The following HRH2 variants were observed in gnomAD, a reference collection of about 807,000 sequenced individuals.
The protein encoded by HRH2 is histamine H2 receptor.
In HRH2, 4 loss-of-function variants were observed where a neutral mutation model predicts 20.1. That is an observed-to-expected ratio of 0.20 (90% CI 0.10 to 0.45). HRH2 has a LOEUF of 0.45. HRH2 is among the 20% of genes least tolerant of loss of function. HRH2 has a pLI of 0.99. For synonymous variants in HRH2, 197 were observed against 200.7 expected (o/e 0.98, Z 0.16); for missense variants, 250 against 461.6 (o/e 0.54, Z 4.20).
At chr5:175,684,783 C>A (rs189842883) in intron 2 of HRH2, among the ~76,000 whole-genome samples, 1 of 152,216 alleles carries the variant, frequency 6.6e-6, no homozygotes, top group East Asian at 1.9e-4. Context: ...TTATTGAGCA[C>A]CTGCTATGCA....
intron 1 of HRH2, among the ~76,000 whole-genome samples, chr5:175,671,205 G>C (rs911083962): frequency 2.0e-5 from 3 of 152,254 alleles, no homozygotes; most frequent in Non-Finnish European, 4.4e-5. Context: ...CCAGGAGCCA[G>C]GTGGATTGCC....
At chr5:175,680,537 G>A (rs1489356419) in intron 1 of HRH2, among the ~76,000 whole-genome samples, 1 of 152,210 alleles carries the variant, frequency 6.6e-6, no homozygotes, top group Non-Finnish European at 1.5e-5. Flanking sequence ...TTGGAAGTTT[G>A]AAAGGACAGT....
At chr5:175,702,320 T>G (rs1309224398) in intron 2 of HRH2, among the ~76,000 whole-genome samples, 4 of 151,756 alleles carry the variant, frequency 2.6e-5, no homozygotes, top group Non-Finnish European at 5.9e-5. Flanking sequence ...AAGAAATGAA[T>G]GAAAATAAAT....
Position 175,683,663 on chromosome 5 carries a change from G to T in HRH2, c.430G>T (p.Val144Phe), listed in dbSNP as rs763623416. 1.2e-6 allele frequency: 2 copies of T among 1,614,102 alleles called. No homozygotes were observed. The highest frequency in any genetic ancestry group is 2.2e-5 in the South Asian group (2 of 91,068). ...RVAISLVLIW[V>F]ISITLSFLSI... ...CGCCATCTCTCTGGTCTTAATTTGG[G>T]TCATCTCCATTACCCTGTCCTTTCT... Residue 144 changes from valine (V) to phenylalanine (F), a missense_variant, in exon 2 of 3, where the codon GTC (valine) becomes TTC (phenylalanine). Val to Phe is a conservative substitution (Grantham distance 50). Around this residue, in one of 5 missense-constraint regions of HRH2, gnomAD observed 86 missense variants for 176.4 expected, o/e 0.49. Coordinates refer to ENST00000636584, the MANE Select transcript of HRH2 (RefSeq NM_001367711.1).
At chr5:175,679,401 TC>T (rs904546629) in intron 1 of HRH2, among the ~76,000 whole-genome samples, 40 of 152,130 alleles carry the variant, frequency 2.6e-4, no homozygotes, top group African/African-American at 9.7e-4. Context: ...CTGGAAGACT[TC>T]CTGGAGGAGG....
At position 175,679,835 on chromosome 5, in the gene HRH2, C is replaced by T. The variant is rs567487274; in HGVS notation, c.-525-2874C>T. On this transcript the variant is annotated intron_variant, in intron 1 of 2. Coordinates refer to ENST00000636584, the MANE Select transcript of HRH2 (RefSeq NM_001367711.1). ...GCAGATGCTGGAGTGCTGGATGAGA[C>T]CCTGTTGGAAAGACAGGTTGAAGTC... 1.1e-4 allele frequency among the ~76,000 whole-genome samples: 16 copies of T among 152,276 alleles called. No homozygotes were observed. The East Asian group carries it at 3.1e-3, about 29-fold the overall frequency.
chr5:175,684,237 A>G lies in HRH2; in HGVS notation c.1004A>G (p.Gln335Arg). Residue 335 changes from glutamine (Q) to arginine (R), a missense_variant, in exon 2 of 3, where the codon CAG (glutamine) becomes CGG (arginine). Physicochemically the swap from Gln to Arg is conservative, Grantham distance 43. Around this residue, in one of 5 missense-constraint regions of HRH2, gnomAD observed 55 missense variants for 66.9 expected, o/e 0.82. Coordinates refer to ENST00000636584, the MANE Select transcript of HRH2 (RefSeq NM_001367711.1). Reference sequence around the variant, plus strand: ...ACCCAAAGCCGAGAACCCAGGCAACAGGAAGAGAAACCCCTGAAGCTCCAG... The same window carrying G: ...ACCCAAAGCCGAGAACCCAGGCAACGGGAAGAGAAACCCCTGAAGCTCCAG... Reference protein sequence around the residue: ...SRTQSREPRQQEEKPLKLQVW... With the variant: ...SRTQSREPRQREEKPLKLQVW... The G allele has an allele frequency of 6.2e-7, 1 of 1,614,220 alleles. No homozygotes were observed. The highest frequency in any genetic ancestry group is 8.5e-7 in the Non-Finnish European group (1 of 1,180,040).
At chr5:175,691,199 A>C (rs1476521746) in intron 2 of HRH2, 2 of 152,306 alleles carry the variant, frequency 1.3e-5, no homozygotes, top group African/African-American at 4.8e-5. Flanking sequence ...CTCACAGTTA[A>C]TCCTCTTCCT....
chr5:175,667,241 C>T (rs1409795597), intron 1 of HRH2, among the ~76,000 whole-genome samples: 2 of 151,968 alleles, frequency 1.3e-5, no homozygotes, highest in Non-Finnish European at 2.9e-5. Flanking sequence ...GTCAGGAGTT[C>T]GCGACCAGTC....
At position 175,682,947 on chromosome 5, in the gene HRH2, T is replaced by G; in HGVS notation, c.-287T>G. Reference sequence around the variant, plus strand: ...TCAGGGGACCGTCTGAGGACTGGAGTTTGATCCATGAACCTGGCTTCGAGG... The same window carrying G: ...TCAGGGGACCGTCTGAGGACTGGAGGTTGATCCATGAACCTGGCTTCGAGG... On this transcript the variant is annotated 5_prime_UTR_variant, in exon 2 of 3. Coordinates refer to ENST00000636584, the MANE Select transcript of HRH2 (RefSeq NM_001367711.1). 3 of 372,764 alleles carry G rather than the reference T, an allele frequency of 8.0e-6. No individual in the cohort carries two copies. The highest frequency in any genetic ancestry group is 9.2e-5 in the South Asian group (2 of 21,820). 23.1% of individuals were successfully genotyped at this position (372,764 alleles called of 1,614,324 possible). A position where few individuals can be genotyped will look rare whatever the true frequency, so the allele number is the denominator to read the frequency against.
At chr5:175,705,968 AC>A (rs1213212309) in intron 2 of HRH2, among the ~76,000 whole-genome samples, 2 of 152,146 alleles carry the variant, frequency 1.3e-5, no homozygotes, top group Non-Finnish European at 2.9e-5. Flanking sequence ...ACAGGCATGA[AC>A]CACTGCTCCT....
At chr5:175,678,352 C>T (rs900468222) in intron 1 of HRH2, among the ~76,000 whole-genome samples, 1 of 152,182 alleles carries the variant, frequency 6.6e-6, no homozygotes, top group African/African-American at 2.4e-5. Context: ...TACCACGTGC[C>T]GGGCACTAAG....
chr5:175,658,777 T>A (rs1762648272), intron 1 of HRH2, among the ~76,000 whole-genome samples: 1 of 152,270 alleles, frequency 6.6e-6, no homozygotes, highest in Admixed American at 6.5e-5. Context: ...GCTGGGGACA[T>A]CTGGACGTGG....
chr5:175,667,515 G>A (rs144053516), intron 1 of HRH2, among the ~76,000 whole-genome samples: 3 of 136,376 alleles, frequency 2.2e-5, no homozygotes, highest in African/African-American at 8.3e-5. Flanking sequence ...TAACCAGTAC[G>A]ACCACCCAAA....
chr5:175,680,927 G>A (rs1349881024), intron 1 of HRH2, among the ~76,000 whole-genome samples: 1 of 152,060 alleles, frequency 6.6e-6, no homozygotes, highest in Non-Finnish European at 1.5e-5. Context: ...TGTTGAAAAG[G>A]ACTGAGGAAG....
rs1427842447 is a variant in HRH2, at chr5:175,681,683, AAAGGGAGG to A, written c.-525-1013_-525-1006del. ...AGTGTTTGCACTACTTCAATAGTGC[AAAGGGAGG>A]AAGGGAGGAAGGAGAAACCACCCTA... On this transcript the variant is annotated intron_variant, in intron 1 of 2. Coordinates refer to ENST00000636584, the MANE Select transcript of HRH2 (RefSeq NM_001367711.1). This position sits in a 1 kb window ranked among gnomAD's most constrained non-coding sequence, Gnocchi z 4.3. Among the ~76,000 whole-genome samples the A allele has an allele frequency of 6.6e-6, 1 of 152,220 alleles. No individual in the cohort carries two copies. Among genetic ancestry groups the A allele is most frequent in the South Asian group, 2.1e-4 (1 of 4,834 alleles).
chr5:175,658,893 A>G (rs1762652122), intron 1 of HRH2, among the ~76,000 whole-genome samples: 1 of 152,146 alleles, frequency 6.6e-6, no homozygotes. Flanking sequence ...GAACAGGGCC[A>G]TGCTAATCCC....
At chr5:175,673,076 A>G (rs898440887) in intron 1 of HRH2, among the ~76,000 whole-genome samples, 1 of 152,178 alleles carries the variant, frequency 6.6e-6, no homozygotes, top group Non-Finnish European at 1.5e-5. Flanking sequence ...AAGAGCGTGT[A>G]ACAGGACAAA....
At position 175,707,896 on chromosome 5, in the gene HRH2, G is replaced by C. The variant is rs1756996211; in HGVS notation, c.1194G>C (p.Gly398=). The C allele has an allele frequency of 2.5e-6, 1 of 399,108 alleles. No individual in the cohort carries two copies. Among genetic ancestry groups the C allele is most frequent in the African/African-American group, 2.1e-5 (1 of 48,642 alleles). 24.7% of individuals were successfully genotyped at this position (399,108 alleles called of 1,614,324 possible). Reference sequence around the variant, plus strand: ...GAGGCCCCTCGGAGGAGCTATCGGGGGAGCCACTGTCTGAGGAGCCACAGA... The same window carrying C: ...GAGGCCCCTCGGAGGAGCTATCGGGCGAGCCACTGTCTGAGGAGCCACAGA... ...HMGGPSEELS[G]EPLSEEPQKR... is the part of the protein sequence containing the mutation. Residue 398 remains glycine, a synonymous_variant, in exon 3 of 3, where the codon GGG becomes GGC. Transcript: ENST00000636584.
Sources: gnomAD v4.1 joint callset for allele counts (sites outside exome capture counted in the v4.1 genomes callset) on GRCh38, gnomAD v4.1.1 for gene constraint, gnomAD v4.1.1 regional missense constraint, Gnocchi (gnomAD v3.1) non-coding constraint, MANE v1.5 for transcripts, NCBI Gene and HGNC (gene_info 2026-07-23, HGNC 2026-07-21) for gene names.